ZNF334: variants seen among roughly 807,000 people sequenced by gnomAD.
ZNF334 encodes zinc finger protein 334.
In ZNF334, 14 loss-of-function variants were observed where a neutral mutation model predicts 12.4. The observed-to-expected ratio is 1.13, with a 90% CI of 0.74 to 1.76. ZNF334 has a LOEUF of 1.76. Among genes scored for constraint, ZNF334 ranks in the 40% most tolerant of loss-of-function variants. ZNF334 has a pLI of 0.00. For synonymous variants in ZNF334, 273 were observed against 269.6 expected, an observed-to-expected ratio of 1.01 and a Z score of -0.12; for missense variants, 797 against 804.5, an observed-to-expected ratio of 0.99 and a Z score of 0.11.
Position 46,502,081 on chromosome 20 carries a change from G to A in ZNF334, c.1258C>T (p.Leu420Phe). 6.2e-7 allele frequency: 1 copy of A among 1,614,150 alleles called. No homozygotes were observed. The highest frequency in any genetic ancestry group is 8.5e-7 in the Non-Finnish European group (1 of 1,180,022). ...GTATGACTTCTTCGATGCACATTGA[G>A]GGCAGATTGACAAAAGAAGGTTTTC... ...CEKTFFCQSA[L>F]NVHRRSHTGE... is the part of the protein sequence containing the mutation. Residue 420 changes from leucine (L) to phenylalanine (F), a missense_variant, in exon 5 of 5, where the codon CTC becomes TTC. By Grantham distance (22) the Leu-to-Phe change is conservative (BLOSUM62 0). Coordinates refer to ENST00000692313, the MANE Select transcript of ZNF334 (RefSeq NM_001353824.2).
the ZNF334 span, chr20:46,493,039 G>A: frequency 6.6e-6 from 1 of 151,238 alleles, no homozygotes; most frequent in Non-Finnish European, 1.5e-5. Context: ...AGTGAGCTGA[G>A]ATCGTGCCAT....
chr20:46,463,101 G>C, the ZNF334 span, among the ~76,000 whole-genome samples: 68 of 152,232 alleles, frequency 4.5e-4, no homozygotes, highest in African/African-American at 1.5e-3. Context: ...ACAAAAATTA[G>C]CCAGGCATGG....
chr20:46,488,840 T>C, the ZNF334 span, among the ~76,000 whole-genome samples: 1 of 151,876 alleles, frequency 6.6e-6, no homozygotes, highest in East Asian at 1.9e-4. Context: ...AATATTTTGT[T>C]CCATTATCTT....
the ZNF334 span, chr20:46,476,168 T>C: frequency 6.6e-6 from 1 of 152,226 alleles, no homozygotes; most frequent in Non-Finnish European, 1.5e-5. Flanking sequence ...TACTGCATGA[T>C]AATATTTATA....
chr20:46,495,807 A>G (rs369799724), downstream of ZNF334, among the ~76,000 whole-genome samples: 7 of 152,150 alleles, frequency 4.6e-5, no homozygotes, highest in African/African-American at 7.2e-5. Flanking sequence ...CCCGACCTTC[A>G]TAAGTCTCCA....
the ZNF334 span, among the ~76,000 whole-genome samples, chr20:46,482,591 AATC>A: frequency 6.6e-6 from 1 of 152,204 alleles, no homozygotes; most frequent in African/African-American, 2.4e-5. Flanking sequence ...AGACCTTTTT[AATC>A]ATTAACCCTA....
chr20:46,512,045 CT>C (rs1485506481), intron 2 of ZNF334, 36 bp downstream of exon 2: 1 of 1,607,650 alleles, frequency 6.2e-7, no homozygotes, highest in Non-Finnish European at 8.5e-7. Flanking sequence ...TTGAAATTCA[CT>C]GTATAATGTG....
At chr20:46,481,486 C>T in the ZNF334 span, 1 of 152,260 alleles carries the variant, frequency 6.6e-6, no homozygotes, top group Non-Finnish European at 1.5e-5. Flanking sequence ...GTCATTAGCA[C>T]AGGTCTTCTA....
At chr20:46,471,306 G>C in the ZNF334 span, among the ~76,000 whole-genome samples, 1 of 152,114 alleles carries the variant, frequency 6.6e-6, no homozygotes, top group Non-Finnish European at 1.5e-5. Flanking sequence ...TTTTAAAATT[G>C]GGTTGTCTGC....
the ZNF334 span, among the ~76,000 whole-genome samples, chr20:46,494,578 T>A: frequency 6.6e-6 from 1 of 152,212 alleles, no homozygotes; most frequent in Non-Finnish European, 1.5e-5. Flanking sequence ...AAAATATTGT[T>A]ATGAATATTA....
the ZNF334 span, among the ~76,000 whole-genome samples, chr20:46,490,506 T>C: frequency 2.0e-5 from 3 of 152,220 alleles, no homozygotes; most frequent in Admixed American, 2.0e-4. Flanking sequence ...ATGCTTAGGA[T>C]TTCACGTGAT....
chr20:46,501,878 T>C lies in ZNF334; in HGVS notation c.1461A>G (p.Lys487=). ...TIHQRTHTGE[K]HGVFNKCGRI... ...TACCACATTTATTAAACACACCATG[T>C]TTCTCTCCTGTGTGTGTTCTCTGAT... Residue 487 remains lysine, a synonymous_variant, in exon 5 of 5, where the codon AAA becomes AAG. Coordinates refer to ENST00000692313, the MANE Select transcript of ZNF334 (RefSeq NM_001353824.2). 1 of 1,614,136 alleles carries C rather than the reference T, an allele frequency of 6.2e-7. No homozygotes were observed. The highest frequency in any genetic ancestry group is 8.5e-7 in the Non-Finnish European group (1 of 1,180,012).
At chr20:46,488,419 T>TTATTTATATATATATATATATATATATA in the ZNF334 span, among the ~76,000 whole-genome samples, 731 of 101,630 alleles carry the variant, frequency 7.2e-3, 8 homozygotes, top group Non-Finnish European at 8.7e-3. Flanking sequence ...AGCTCTTATT[T>TTATTTATATATATATATATATATATATA]TATATATATA....
the ZNF334 span, among the ~76,000 whole-genome samples, chr20:46,463,215 C>A: frequency 6.6e-6 from 1 of 152,150 alleles, no homozygotes; most frequent in South Asian, 2.1e-4. Flanking sequence ...TGACTGTACT[C>A]CAGCCAGGGA....
At chr20:46,462,587 T>C in the ZNF334 span, among the ~76,000 whole-genome samples, 1 of 152,246 alleles carries the variant, frequency 6.6e-6, no homozygotes, top group African/African-American at 2.4e-5. Flanking sequence ...GCCTAGATTG[T>C]AAACAGTAAA....
At chr20:46,475,326 T>C in the ZNF334 span, among the ~76,000 whole-genome samples, 660 of 152,218 alleles carry the variant, frequency 4.3e-3, 3 homozygotes, top group Non-Finnish European at 7.6e-3. Flanking sequence ...AAATGAATCA[T>C]GGACATAAAT....
the ZNF334 span, among the ~76,000 whole-genome samples, chr20:46,470,557 A>G: frequency 2.0e-5 from 3 of 152,240 alleles, no homozygotes; most frequent in Admixed American, 6.5e-5. Context: ...CGCGAGGGAC[A>G]GAGTGGGTTG....
rs763455614 is a variant in ZNF334, at chr20:46,504,699, T to C, written c.63A>G (p.Gln21=). 2.5e-6 allele frequency: 4 copies of C among 1,612,766 alleles called. No homozygotes were observed. Among genetic ancestry groups the C allele is most frequent in the Non-Finnish European group, 1.7e-6 (2 of 1,179,472 alleles). The change falls in exon 3 of 5, where the codon CAA becomes CAG. Residue 21 remains glutamine (Q), a synonymous_variant. Coordinates refer to ENST00000692313, the MANE Select transcript of ZNF334 (RefSeq NM_001353824.2). The stretch of plus-strand genomic sequence containing the variant: ...CAGGGTCCAGTTGCTGCCATTCCTC[T>C]TGGGTGAAGTTCACAGTCAGGTCCT... The part of the protein sequence containing the change: ...SFQDLTVNFT[Q]EEWQQLDPAQ...
chr20:46,469,316 C>T, the ZNF334 span, among the ~76,000 whole-genome samples: 2 of 151,392 alleles, frequency 1.3e-5, no homozygotes, highest in Non-Finnish European at 2.9e-5. Flanking sequence ...GAGGCACTCC[C>T]GGACGGTAGC....
Sources: gnomAD v4.1 joint callset for allele counts (sites outside exome capture counted in the v4.1 genomes callset) on GRCh38, gnomAD v4.1.1 for gene constraint, MANE v1.5 for transcripts, NCBI Gene and HGNC (gene_info 2026-07-23, HGNC 2026-07-21) for gene names.